The following CSPP1 variants were observed in gnomAD, a reference collection of about 807,000 sequenced individuals.
CSPP1 encodes centrosome and spindle pole-associated protein 1.
A neutral mutation model predicts 164.4 loss-of-function variants in CSPP1; 126 were observed. The ratio of observed to expected loss-of-function variants is 0.77; its 90% CI spans 0.66 to 0.89. CSPP1 has a LOEUF of 0.89. CSPP1 is among the 40% of genes least tolerant of loss of function. CSPP1 has a pLI of 0.00. For synonymous variants in CSPP1, 472 were observed against 476.7 expected (o/e 0.99, Z 0.13); for missense variants, 1,395 against 1,449.8 (o/e 0.96, Z 0.61).
intron 6 of CSPP1, among the ~76,000 whole-genome samples, chr8:67,094,458 G>A (rs967640859): frequency 6.6e-6 from 1 of 151,684 alleles, no homozygotes; most frequent in Non-Finnish European, 1.5e-5. Flanking sequence ...ATTTTTAGTA[G>A]AGTTGGGGTT....
rs1837905361 is a variant in CSPP1, at chr8:67,196,203, T to C, written c.*610T>C. ...ATGCCAATGAAGGCATTTGTCTTGT[T>C]ACTAATTACATGATGTAACTACTTC... On this transcript the variant is annotated 3_prime_UTR_variant, in exon 31 of 31. Transcript: ENST00000678616. 6.6e-6 allele frequency: 1 copy of C among 152,286 alleles called. No homozygotes were observed. Among genetic ancestry groups the C allele is most frequent in the Non-Finnish European group, 1.5e-5 (1 of 68,082 alleles). 9.4% of individuals were successfully genotyped at this position (152,286 alleles called of 1,614,324 possible). A position where few individuals can be genotyped will look rare whatever the true frequency, so the allele number is the denominator to read the frequency against.
chr8:67,166,499 C>A (rs1298868963), intron 24 of CSPP1, among the ~76,000 whole-genome samples: 5 of 152,030 alleles, frequency 3.3e-5, no homozygotes, highest in African/African-American at 1.2e-4. Context: ...AATATTGAAA[C>A]AAGGTAAACA....
At chr8:67,184,570 TAA>T (rs1833905285) in intron 28 of CSPP1, among the ~76,000 whole-genome samples, 1 of 150,822 alleles carries the variant, frequency 6.6e-6, no homozygotes, top group African/African-American at 2.5e-5. Context: ...ACTAAAAATA[TAA>T]AGATTAGCTG....
intron 24 of CSPP1, among the ~76,000 whole-genome samples, chr8:67,170,874 C>T (rs79369512): frequency 0.095 from 14,409 of 151,876 alleles, 1,050 homozygotes; most frequent in East Asian, 0.34. Flanking sequence ...GCAAGCTCCA[C>T]CTCCTTGGTT....
At chr8:67,064,620 G>C (rs1805130757) in intron 1 of CSPP1, 82 bp downstream of exon 1, 2 of 1,339,610 alleles carry the variant, frequency 1.5e-6, no homozygotes, top group South Asian at 2.9e-5. Context: ...AGGGGCAGTG[G>C]CTCCCTCGGG....
intron 28 of CSPP1, among the ~76,000 whole-genome samples, chr8:67,188,627 T>TA (rs1484701697): frequency 6.6e-6 from 1 of 152,224 alleles, no homozygotes; most frequent in Admixed American, 6.5e-5. Context: ...CCATGTTTGT[T>TA]ACGGCTCGAG....
intron 16 of CSPP1, 72 bp from the exon 17 acceptor site, chr8:67,137,384 A>G (rs1469446056): frequency 2.5e-5 from 28 of 1,139,222 alleles, no homozygotes; most frequent in Admixed American, 7.2e-5. Flanking sequence ...AAAAAATAAC[A>G]TCTGGTATTA....
intron 28 of CSPP1, among the ~76,000 whole-genome samples, chr8:67,184,736 TAA>T (rs1289501293): frequency 1.6e-5 from 2 of 128,480 alleles, no homozygotes; most frequent in East Asian, 4.3e-4. Flanking sequence ...AAAATAATAA[TAA>T]AAAAATATAA....
chr8:67,178,264 C>A (rs1362695942), intron 27 of CSPP1, among the ~76,000 whole-genome samples: 1 of 152,046 alleles, frequency 6.6e-6, no homozygotes, highest in Non-Finnish European at 1.5e-5. Flanking sequence ...GTGTTGAGGT[C>A]TACAAAGAAA....
At chr8:67,105,416 T>C (rs1204953362) in intron 8 of CSPP1, among the ~76,000 whole-genome samples, 1 of 152,192 alleles carries the variant, frequency 6.6e-6, no homozygotes, top group Middle Eastern at 3.2e-3. Flanking sequence ...GTCTCACTCT[T>C]GTTGCCCAGG....
At chr8:67,156,535 C>T (rs1028348895) in intron 19 of CSPP1, among the ~76,000 whole-genome samples, 5 of 152,198 alleles carry the variant, frequency 3.3e-5, no homozygotes, top group Admixed American at 6.5e-5. Flanking sequence ...AATCTCTTCT[C>T]CCACCTCAAA....
intron 7 of CSPP1, among the ~76,000 whole-genome samples, chr8:67,101,044 G>A (rs917406239): frequency 2.6e-5 from 4 of 152,116 alleles, no homozygotes; most frequent in African/African-American, 9.7e-5. Flanking sequence ...AAGTTTGAAG[G>A]AAACCAGGCA....
intron 4 of CSPP1, among the ~76,000 whole-genome samples, chr8:67,087,835 T>C (rs1369008284): frequency 6.6e-6 from 1 of 152,226 alleles, no homozygotes; most frequent in African/African-American, 2.4e-5. Flanking sequence ...GGTAACTGTG[T>C]TTTAGGACAG....
chr8:67,100,328 T>G (rs1021396173), intron 7 of CSPP1, among the ~76,000 whole-genome samples: 3 of 152,192 alleles, frequency 2.0e-5, no homozygotes, highest in African/African-American at 4.8e-5. Context: ...TTATGGTGTT[T>G]GCTTTACTAT....
chr8:67,111,966 A>G lies in CSPP1; in HGVS notation c.1094-6A>G, dbSNP rs371706943. ...AAGATTGTATTTTTCTCATACCACT[A>G]TCTAGGAGGTGAAGATCGAGAACTT... On this transcript the variant is annotated splice_region_variant and splice_polypyrimidine_tract_variant and intron_variant, in intron 9 of 30. Coordinates refer to ENST00000678616, the MANE Select transcript of CSPP1 (RefSeq NM_001382391.1). 9.4e-5 allele frequency: 149 copies of G among 1,579,514 alleles called. No homozygotes were observed. The highest frequency in any genetic ancestry group is 1.3e-4 in the Non-Finnish European group (145 of 1,152,116).
chr8:67,098,306 T>TC (rs1432490890), intron 7 of CSPP1, among the ~76,000 whole-genome samples: 1 of 151,120 alleles, frequency 6.6e-6, no homozygotes. Context: ...TTTTTTTTTT[T>TC]CCTTTCCTAA....
intron 4 of CSPP1, among the ~76,000 whole-genome samples, chr8:67,088,974 T>G (rs1811053082): frequency 6.6e-6 from 1 of 151,290 alleles, no homozygotes; most frequent in Admixed American, 6.6e-5. Context: ...TTTGTTCACA[T>G]TTGAGAAGGT....
rs534825175 is a variant in CSPP1, at chr8:67,195,795, GATT to G, written c.*206_*208del. 1.0e-3 allele frequency: 562 copies of G among 535,580 alleles called. 9 individuals are homozygous for G. The East Asian group carries it at 0.016, about 16-fold the overall frequency. The allele number at this position is 535,580 out of a possible 1,614,324, so 33.2% of individuals were successfully genotyped here. A position where few individuals can be genotyped will look rare whatever the true frequency, so the allele number is the denominator to read the frequency against. On this transcript the variant is annotated 3_prime_UTR_variant, in exon 31 of 31. Transcript: ENST00000678616. ...TTGATTTATATAATAGAATTGTATA[GATT>G]ATTTTTGCACAGTTTTGTCATAAAT...
chr8:67,193,498 T>C lies in CSPP1; in HGVS notation c.3365T>C (p.Leu1122Pro). The C allele has an allele frequency of 4.3e-6, 7 of 1,613,450 alleles. No individual in the cohort carries two copies. The highest frequency in any genetic ancestry group is 5.9e-6 in the Non-Finnish European group (7 of 1,179,378). The part of the protein sequence containing the change: ...SSRPNVAPDG[L>P]SLKSISSVNV... ...CGTCCTAATGTAGCACCAGATGGTC[T>C]CTCTCTAAAATCTATATCCAGTGTA... is the stretch of plus-strand genomic sequence containing the variant. The change falls in exon 30 of 31, where the codon CTC becomes CCC. Residue 1122 changes from leucine to proline, a missense_variant. Coordinates refer to ENST00000678616, the MANE Select transcript of CSPP1 (RefSeq NM_001382391.1).
Sources: gnomAD v4.1 joint callset for allele counts (sites outside exome capture counted in the v4.1 genomes callset) on GRCh38, gnomAD v4.1.1 for gene constraint, MANE v1.5 for transcripts, NCBI Gene and HGNC (gene_info 2026-07-23, HGNC 2026-07-21) for gene names.